The following PAPSS2 variants were observed in gnomAD, a reference collection of about 807,000 sequenced individuals.
PAPSS2 encodes the protein bifunctional 3'-phosphoadenosine 5'-phosphosulfate synthase 2.
In PAPSS2, 61 loss-of-function variants were observed where a neutral mutation model predicts 66.5. That is an observed-to-expected ratio of 0.92 (90% CI 0.75 to 1.14). The LOEUF (loss-of-function observed/expected upper bound fraction) is 1.14. Among genes scored for constraint, PAPSS2 ranks in the 50% most tolerant of loss-of-function variants. PAPSS2 has a pLI of 0.00. For synonymous variants in PAPSS2, 289 were observed against 287.5 expected (o/e 1.01, Z -0.05); for missense variants, 708 against 789.6 (o/e 0.90, Z 1.24).
chr10:87,745,846 A>C lies in PAPSS2; in HGVS notation c.1736A>C (p.Asp579Ala), dbSNP rs770960588. ...FYDPARHNEF[D>A]FISGTRMRKL... ...CCCTGTAACAGGCACAATGAGTTTG[A>C]CTTCATCTCAGGAACTCGAATGAGG... Residue 579 changes from aspartate to alanine, a missense_variant, in exon 13 of 13, where the codon GAC (aspartate) becomes GCC (alanine). Transcript: ENST00000456849. The C allele has an allele frequency of 2.5e-6, 4 of 1,613,904 alleles. No individual in the cohort carries two copies. The highest frequency in any genetic ancestry group is 3.4e-6 in the Non-Finnish European group (4 of 1,179,964).
chr10:87,741,755 A>G (rs989761804), intron 10 of PAPSS2, among the ~76,000 whole-genome samples: 3 of 150,446 alleles, frequency 2.0e-5, no homozygotes, highest in African/African-American at 7.3e-5. Context: ...GGATACCAGG[A>G]GTCAGCATTT....
chr10:87,678,684 G>T (rs1852980008), intron 1 of PAPSS2, among the ~76,000 whole-genome samples: 1 of 152,064 alleles, frequency 6.6e-6, no homozygotes, highest in South Asian at 2.1e-4. Context: ...GTGAAAAAAT[G>T]CTCCACATCA....
intron 9 of PAPSS2, among the ~76,000 whole-genome samples, chr10:87,739,511 G>A (rs556851811): frequency 6.6e-6 from 1 of 152,224 alleles, no homozygotes; most frequent in South Asian, 2.1e-4. Context: ...TTTTCCCCCA[G>A]GGTCTCTAAT....
At chr10:87,743,277 C>A (rs1419278283) in intron 10 of PAPSS2, 96 bp from the exon 11 acceptor site, 4 of 1,285,518 alleles carry the variant, frequency 3.1e-6, no homozygotes, top group Non-Finnish European at 4.5e-6. Context: ...ATAATGAATG[C>A]ACAGAACAAT....
chr10:87,676,992 G>A (rs938306917), intron 1 of PAPSS2, among the ~76,000 whole-genome samples: 1 of 149,678 alleles, frequency 6.7e-6, no homozygotes, highest in South Asian at 2.1e-4. Context: ...TCAGGAGTTC[G>A]AGACCAACTT....
chr10:87,697,496 G>T (rs556674695), intron 1 of PAPSS2, among the ~76,000 whole-genome samples: 11 of 152,324 alleles, frequency 7.2e-5, no homozygotes, highest in Admixed American at 5.9e-4. Context: ...TGCTCTGGGA[G>T]TGAGGAGCTG....
intron 12 of PAPSS2, 84 bp from the exon 13 acceptor site, chr10:87,745,748 C>T (rs897947595): frequency 2.7e-5 from 38 of 1,421,292 alleles, no homozygotes; most frequent in Non-Finnish European, 3.6e-5. Context: ...GAACATGGGT[C>T]TCAAAAACCA....
intron 9 of PAPSS2, among the ~76,000 whole-genome samples, chr10:87,729,905 A>G (rs981746170): frequency 6.6e-6 from 1 of 152,182 alleles, no homozygotes; most frequent in Non-Finnish European, 1.5e-5. Flanking sequence ...TTGAGGCAGG[A>G]GAATCGCTTG....
intron 1 of PAPSS2, among the ~76,000 whole-genome samples, chr10:87,685,049 G>A (rs1853070652): frequency 6.6e-6 from 1 of 152,164 alleles, no homozygotes; most frequent in Non-Finnish European, 1.5e-5. Context: ...CTCAGATCCA[G>A]TTTTCTGAGC....
intron 1 of PAPSS2, among the ~76,000 whole-genome samples, chr10:87,681,684 G>A (rs1469517907): frequency 1.3e-5 from 2 of 152,164 alleles, no homozygotes; most frequent in Non-Finnish European, 2.9e-5. Context: ...GATCCCTGGT[G>A]CCCATTCGCA....
At chr10:87,732,523 C>CAA (rs563220954) in intron 9 of PAPSS2, among the ~76,000 whole-genome samples, 7 of 135,776 alleles carry the variant, frequency 5.2e-5, no homozygotes, top group African/African-American at 1.9e-4. Flanking sequence ...GACCCTTTCT[C>CAA]AAAAAAAAAA....
intron 10 of PAPSS2, 39 bp from the exon 11 acceptor site, chr10:87,743,334 T>G: frequency 6.2e-7 from 1 of 1,606,150 alleles, no homozygotes; most frequent in Non-Finnish European, 8.5e-7. Context: ...TGACACCATG[T>G]GTTTCTGTGA....
chr10:87,713,843 A>G (rs1275482689), intron 3 of PAPSS2, among the ~76,000 whole-genome samples: 4 of 152,062 alleles, frequency 2.6e-5, no homozygotes, highest in Admixed American at 2.0e-4. Flanking sequence ...AAGAGGGCCT[A>G]TTTTCCATGA....
intron 9 of PAPSS2, among the ~76,000 whole-genome samples, chr10:87,731,150 T>G (rs1166754862): frequency 1.3e-5 from 2 of 152,228 alleles, no homozygotes; most frequent in Non-Finnish European, 2.9e-5. Flanking sequence ...CTGGTGACTT[T>G]AAGTTGAAGC....
intron 9 of PAPSS2, among the ~76,000 whole-genome samples, chr10:87,733,710 C>T (rs546317442): frequency 3.9e-5 from 6 of 152,162 alleles, no homozygotes; most frequent in Non-Finnish European, 1.5e-5. Context: ...TAAAGCTCCC[C>T]GTGATTCTAA....
At chr10:87,705,836 C>T (rs1402112476) in intron 1 of PAPSS2, among the ~76,000 whole-genome samples, 6 of 151,004 alleles carry the variant, frequency 4.0e-5, no homozygotes, top group African/African-American at 1.5e-4. Flanking sequence ...CGGGTTCAAG[C>T]GATTCTTCTG....
chr10:87,727,292 A>G lies in PAPSS2; in HGVS notation c.889A>G (p.Ile297Val). ...LDGMALPDGVINMSIPIVLPV... is the reference protein window; with the variant it reads ...LDGMALPDGVVNMSIPIVLPV... ...CATGGCTCTTTCCACAGATGGCGTG[A>G]TCAACATGAGCATCCCCATTGTACT... Residue 297 changes from isoleucine to valine, a missense_variant, in exon 9 of 13, where the codon ATC becomes GTC. By Grantham distance (29) the Ile-to-Val change is conservative. Coordinates refer to ENST00000456849, the MANE Select transcript of PAPSS2 (RefSeq NM_001015880.2). 1 of 1,613,202 alleles carries G rather than the reference A, an allele frequency of 6.2e-7. No homozygotes were observed. The highest frequency in any genetic ancestry group is 1.7e-5 in the Admixed American group (1 of 60,028).
intron 1 of PAPSS2, among the ~76,000 whole-genome samples, chr10:87,706,529 G>A (rs865858224): frequency 6.6e-6 from 1 of 151,260 alleles, no homozygotes; most frequent in South Asian, 2.1e-4. Context: ...GGCTGAGGTG[G>A]GAGTATCACT....
Position 87,743,446 on chromosome 10 carries a change from C to A in PAPSS2, c.1296C>A (p.Arg432=), listed in dbSNP as rs1158115694. The part of the protein sequence containing the change: ...GHALLMQDTR[R]RLLERGYKHP... Reference sequence around the variant, plus strand: ...CCCTGTTGATGCAGGACACTCGCCGCAGGCTCCTAGAGAGGGGCTACAAGC... The same window carrying A: ...CCCTGTTGATGCAGGACACTCGCCGAAGGCTCCTAGAGAGGGGCTACAAGC... The change falls in exon 11 of 13, where the codon CGC becomes CGA. Residue 432 remains arginine, a synonymous_variant. Coordinates refer to ENST00000456849, the MANE Select transcript of PAPSS2 (RefSeq NM_001015880.2). 1 of 1,614,106 alleles carries A rather than the reference C, an allele frequency of 6.2e-7. No homozygotes were observed. Among genetic ancestry groups the A allele is most frequent in the Non-Finnish European group, 8.5e-7 (1 of 1,179,992 alleles).
Sources: gnomAD v4.1 joint callset for allele counts (sites outside exome capture counted in the v4.1 genomes callset) on GRCh38, gnomAD v4.1.1 for gene constraint, MANE v1.5 for transcripts, NCBI Gene and HGNC (gene_info 2026-07-23, HGNC 2026-07-21) for gene names.